PHF6: variants seen among roughly 807,000 people sequenced by gnomAD.
PHF6 encodes PHD finger protein 6.
Under a neutral mutation model 34.0 loss-of-function variants are expected in PHF6, and 7 were observed. The ratio of observed to expected loss-of-function variants is 0.21; its 90% CI spans 0.12 to 0.39. The LOEUF is 0.39. Among genes scored for constraint, PHF6 ranks in the 10% least tolerant of loss-of-function variants. The pLI is 1.00. For missense variants in PHF6, 128 were observed against 262.8 expected, an observed-to-expected ratio of 0.49 and a Z score of 3.55; for synonymous variants, 89 against 88.4, an observed-to-expected ratio of 1.01 and a Z score of -0.04.
chrX:134,419,078 C>T (rs1365224430), intron 9 of PHF6: 2 of 111,438 alleles, frequency 1.8e-5, no homozygotes, highest in African/African-American at 6.5e-5. Context: ...TCTCAAACTC[C>T]TGGGCTCAAG....
At chrX:134,375,144 A>G (rs949668781) in intron 1 of PHF6, among the ~76,000 whole-genome samples, 5 of 112,087 alleles carry the variant, frequency 4.5e-5, no homozygotes, top group African/African-American at 1.6e-4. Context: ...GACTAAAAAA[A>G]TTACCAAGAT....
chrX:134,406,827 T>G (rs962761420), intron 5 of PHF6, among the ~76,000 whole-genome samples: 1 of 112,291 alleles, frequency 8.9e-6, no homozygotes, highest in Non-Finnish European at 1.9e-5. Flanking sequence ...TTATTTTGAA[T>G]AGATACATGA....
chrX:134,406,566 AG>A (rs1323304368), intron 5 of PHF6, among the ~76,000 whole-genome samples: 4 of 111,363 alleles, frequency 3.6e-5, no homozygotes, highest in African/African-American at 1.3e-4. Flanking sequence ...CTAGGAAGAG[AG>A]TTGGTGTCCT....
chrX:134,381,782 T>G (rs1302773884), intron 3 of PHF6, among the ~76,000 whole-genome samples: 3 of 111,351 alleles, frequency 2.7e-5, no homozygotes, highest in Non-Finnish European at 5.7e-5. Flanking sequence ...TGCACCACCA[T>G]GCCTGGCCCC....
chrX:134,403,348 CA>C (rs2077410438), intron 5 of PHF6, among the ~76,000 whole-genome samples: 1 of 112,106 alleles, frequency 8.9e-6, no homozygotes, highest in African/African-American at 3.2e-5. Flanking sequence ...AAACCAGCCA[CA>C]ACATTCCCTT....
At chrX:134,419,090 G>A (rs1294857764) in intron 9 of PHF6, 4 of 111,335 alleles carry the variant, frequency 3.6e-5, no homozygotes, top group Admixed American at 1.9e-4. Flanking sequence ...GGGCTCAAGC[G>A]TTCTCCCTGC....
intron 1 of PHF6, among the ~76,000 whole-genome samples, chrX:134,374,230 T>C (rs1447480061): frequency 1.8e-5 from 2 of 111,892 alleles, no homozygotes; most frequent in African/African-American, 3.3e-5. Context: ...CGTTTTGATA[T>C]TCTGCGTGGA....
At chrX:134,412,140 TAAG>T (rs1010469996) in intron 5 of PHF6, among the ~76,000 whole-genome samples, 8 of 112,519 alleles carry the variant, frequency 7.1e-5, no homozygotes, top group African/African-American at 2.6e-4. Context: ...GCTATCGTGT[TAAG>T]GAGAGAAAAC....
intron 5 of PHF6, among the ~76,000 whole-genome samples, chrX:134,402,701 A>G (rs2077407680): frequency 8.9e-6 from 1 of 112,339 alleles, no homozygotes; most frequent in Non-Finnish European, 1.9e-5. Context: ...AGATAACTGC[A>G]TTTTTTACAA....
intron 5 of PHF6, among the ~76,000 whole-genome samples, chrX:134,401,309 G>T (rs1019249368): frequency 9.8e-5 from 11 of 111,764 alleles, no homozygotes; most frequent in African/African-American, 3.6e-4. Context: ...ACAGTGTGAA[G>T]TAGAAAGGGT....
At chrX:134,404,962 T>G (rs1221571329) in intron 5 of PHF6, among the ~76,000 whole-genome samples, 1 of 112,036 alleles carries the variant, frequency 8.9e-6, no homozygotes, top group Non-Finnish European at 1.9e-5. Flanking sequence ...TTCATGTGAT[T>G]TGCTTTATTG....
chrX:134,413,424 A>G, intron 5 of PHF6, 67 bp from the exon 6 acceptor site: 2 of 1,089,200 alleles, frequency 1.8e-6, no homozygotes, highest in Admixed American at 4.4e-5. Context: ...CATATGTCCT[A>G]AAGACCCATG....
At chrX:134,392,761 TGTGA>T (rs1030408411) in intron 3 of PHF6, among the ~76,000 whole-genome samples, 24 of 111,559 alleles carry the variant, frequency 2.2e-4, no homozygotes, top group Non-Finnish European at 4.3e-4. Flanking sequence ...TAGTAAGTTA[TGTGA>T]GATATTTTTC....
intron 5 of PHF6, among the ~76,000 whole-genome samples, chrX:134,397,242 C>T (rs1372985249): frequency 8.9e-6 from 1 of 112,323 alleles, no homozygotes; most frequent in African/African-American, 3.2e-5. Context: ...GAGTTTATAA[C>T]TATCATTATG....
intron 5 of PHF6, among the ~76,000 whole-genome samples, chrX:134,409,891 T>C (rs1415093463): frequency 9.0e-6 from 1 of 111,215 alleles, no homozygotes; most frequent in Non-Finnish European, 1.9e-5. Context: ...CTCCCACTTA[T>C]AAGTGAGAGC....
chrX:134,413,260 A>T (rs1018225635), intron 5 of PHF6, among the ~76,000 whole-genome samples: 6 of 112,030 alleles, frequency 5.4e-5, no homozygotes, highest in Non-Finnish European at 1.1e-4. Context: ...TGGTAAAAAA[A>T]AATAATAATG....
chrX:134,400,428 A>G (rs1419507674), intron 5 of PHF6, among the ~76,000 whole-genome samples: 1 of 93,164 alleles, frequency 1.1e-5, no homozygotes, highest in South Asian at 5.3e-4. Flanking sequence ...AGGAGAATTA[A>G]TTGATACATA....
At chrX:134,403,814 TTA>T (rs1296562814) in intron 5 of PHF6, among the ~76,000 whole-genome samples, 1 of 112,023 alleles carries the variant, frequency 8.9e-6, no homozygotes, top group East Asian at 2.8e-4. Flanking sequence ...TCTACTCTGT[TTA>T]TACTCTATAA....
chrX:134,421,823 A>AG (rs1347869200), intron 9 of PHF6, among the ~76,000 whole-genome samples: 5 of 110,370 alleles, frequency 4.5e-5, no homozygotes, highest in African/African-American at 1.7e-4. Flanking sequence ...TAAAAAAAAA[A>AG]AAAAGATTTT....
Sources: gnomAD v4.1 joint callset for allele counts (sites outside exome capture counted in the v4.1 genomes callset) on GRCh38, gnomAD v4.1.1 for gene constraint, MANE v1.5 for transcripts, NCBI Gene and HGNC (gene_info 2026-07-23, HGNC 2026-07-21) for gene names.